The following TDRD10 variants were observed in gnomAD, a reference collection of about 807,000 sequenced individuals.
TDRD10 encodes the protein tudor domain-containing protein 10.
A neutral mutation model predicts 48.0 loss-of-function variants in TDRD10; 40 were observed. That is an observed-to-expected ratio of 0.83 (90% confidence interval 0.65 to 1.09). The LOEUF (loss-of-function observed/expected upper bound fraction) is 1.09, where lower values mean the gene tolerates loss of function less well. TDRD10 is among the 50% of genes least tolerant of loss of function. The pLI, the probability that TDRD10 is intolerant of heterozygous loss-of-function variation, is 0.00. For missense variants in TDRD10, 378 were observed against 434.7 expected (o/e 0.87, Z 1.16); for synonymous variants, 162 against 170.4 (o/e 0.95, Z 0.38).
chr1:154,520,849 C>T (rs1694019875), intron 5 of TDRD10, among the ~76,000 whole-genome samples: 1 of 152,174 alleles, frequency 6.6e-6, no homozygotes, highest in Non-Finnish European at 1.5e-5. Context: ...GCAATCCTCC[C>T]ACCTCAGCCT....
intron 4 of TDRD10, chr1:154,509,841 T>TTG: frequency 1.0e-6 from 1 of 985,422 alleles, no homozygotes; most frequent in Non-Finnish European, 1.2e-6. Context: ...AGAGGAGCCC[T>TTG]ACATGTGGTT....
chr1:154,515,376 C>A (rs1207001005), intron 4 of TDRD10, among the ~76,000 whole-genome samples: 2 of 152,200 alleles, frequency 1.3e-5, no homozygotes, highest in Non-Finnish European at 2.9e-5. Context: ...AAGTGGCAAG[C>A]AGGTCTTGGC....
chr1:154,536,585 G>A (rs147830103), intron 6 of TDRD10, among the ~76,000 whole-genome samples: 2,665 of 152,316 alleles, frequency 0.017, 34 homozygotes, highest in Middle Eastern at 0.027. Context: ...TAAGTGTACA[G>A]CTTGACGAAT....
intron 6 of TDRD10, among the ~76,000 whole-genome samples, chr1:154,538,354 G>A (rs1245357042): frequency 6.7e-6 from 1 of 148,850 alleles, no homozygotes; most frequent in Non-Finnish European, 1.5e-5. Flanking sequence ...TTCGAGATCA[G>A]CCTGACAACC....
At chr1:154,531,631 G>A (rs1197156853) in intron 6 of TDRD10, among the ~76,000 whole-genome samples, 1 of 152,222 alleles carries the variant, frequency 6.6e-6, no homozygotes. Flanking sequence ...AAGGCAGTGT[G>A]GACCCGAAGA....
intron 4 of TDRD10, among the ~76,000 whole-genome samples, chr1:154,508,934 T>C (rs1273931063): frequency 1.3e-5 from 2 of 152,136 alleles, no homozygotes; most frequent in Non-Finnish European, 2.9e-5. Context: ...GCAATCGTAT[T>C]TTTGACCCCA....
intron 6 of TDRD10, chr1:154,541,804 C>T (rs1041523442): frequency 1.2e-5 from 6 of 514,552 alleles, no homozygotes; most frequent in Non-Finnish European, 6.9e-6. Context: ...CAGCCCTGCT[C>T]CCTGCCTTCC....
At chr1:154,525,069 G>GTCAGGGTGAATGTGGTGC (rs1553197018) in intron 6 of TDRD10, among the ~76,000 whole-genome samples, 1 of 152,214 alleles carries the variant, frequency 6.6e-6, no homozygotes, top group African/African-American at 2.4e-5. Context: ...CAGGCAGAAG[G>GTCAGGGTGAATGTGGTGC]TCAGGGTGAA....
At chr1:154,523,180 A>G (rs565992066) in intron 6 of TDRD10, among the ~76,000 whole-genome samples, 161 of 152,308 alleles carry the variant, frequency 1.1e-3, no homozygotes, top group Non-Finnish European at 1.8e-3. Flanking sequence ...TGCTGGGATT[A>G]CAGGCATGAG....
At chr1:154,519,900 C>A (rs150849688) in intron 4 of TDRD10, among the ~76,000 whole-genome samples, 1 of 152,164 alleles carries the variant, frequency 6.6e-6, no homozygotes, top group East Asian at 1.9e-4. Flanking sequence ...ACCATATCCC[C>A]GGGCAGAGGC....
chr1:154,536,604 G>C (rs562143506), intron 6 of TDRD10, among the ~76,000 whole-genome samples: 46 of 152,320 alleles, frequency 3.0e-4, no homozygotes, highest in Non-Finnish European at 5.3e-4. Flanking sequence ...ATTTTGACCA[G>C]TGCGTGCAGC....
rs1311092391 is a variant in TDRD10, at chr1:154,544,422, G to A, written c.702G>A (p.Glu234=). 2.5e-6 allele frequency: 4 copies of A among 1,606,476 alleles called. No homozygotes were observed. The African/African-American group carries it at 5.3e-5, about 21-fold the overall frequency. ...TGTTTAGCACCCTGGCTCAGGCGGA[G>A]GAGCAGCAGCCCTACCTGGAGGGCT... is the stretch of plus-strand genomic sequence containing the variant. ...QALFSTLAQA[E]EQQPYLEGST... The change falls in exon 10 of 13, where the codon GAG becomes GAA. Residue 234 remains glutamate (E), a synonymous_variant. Transcript: ENST00000368482.
chr1:154,540,125 T>G (rs1695140946), intron 6 of TDRD10, among the ~76,000 whole-genome samples: 1 of 152,186 alleles, frequency 6.6e-6, no homozygotes, highest in African/African-American at 2.4e-5. Context: ...TGTCATGTGA[T>G]CTACTTTTTG....
intron 4 of TDRD10, among the ~76,000 whole-genome samples, chr1:154,515,690 G>A (rs527713262): frequency 3.3e-5 from 5 of 152,058 alleles, no homozygotes; most frequent in African/African-American, 9.6e-5. Flanking sequence ...TTCCACCATC[G>A]AACTCACCAC....
Position 154,540,904 on chromosome 1 carries a change from G to C in TDRD10, c.370-1120G>C, listed in dbSNP as rs544720980. On this transcript the variant is annotated intron_variant, in intron 6 of 12. Coordinates refer to ENST00000368482, the MANE Select transcript of TDRD10 (RefSeq NM_182499.4). The stretch of plus-strand genomic sequence containing the variant: ...CCAAGAGATGCGTTTCTGCAAAGAG[G>C]GAGCAGAGGGAATACTGCAGGTGGA... Among the ~76,000 whole-genome samples, 21 of 152,320 alleles carry C rather than the reference G, an allele frequency of 1.4e-4. 1 individual carries two copies. The South Asian group carries it at 4.1e-3, about 30-fold the overall frequency.
chr1:154,519,917 G>A (rs974831639), intron 4 of TDRD10, among the ~76,000 whole-genome samples: 1 of 152,210 alleles, frequency 6.6e-6, no homozygotes, highest in Non-Finnish European at 1.5e-5. Flanking sequence ...AGGCCAGGCA[G>A]GGTTGAGAAG....
chr1:154,543,646 A>C (rs6672087), intron 8 of TDRD10, among the ~76,000 whole-genome samples: 28,877 of 151,986 alleles, frequency 0.19, 2,982 homozygotes, highest in South Asian at 0.23. Context: ...GGAGGCCCCA[A>C]ATCTACCCAT....
At chr1:154,547,501 T>C (rs756085652) in intron 12 of TDRD10, 22 bp downstream of exon 12, 3 of 1,614,108 alleles carry the variant, frequency 1.9e-6, no homozygotes, top group Non-Finnish European at 1.7e-6. Flanking sequence ...TGCATCTAAC[T>C]TGGCTGTTGT....
chr1:154,507,713 T>G (rs975017651), intron 3 of TDRD10, among the ~76,000 whole-genome samples: 2 of 152,188 alleles, frequency 1.3e-5, no homozygotes, highest in African/African-American at 4.8e-5. Context: ...GTACAGCCTT[T>G]CATTATTTCA....
Sources: allele counts gnomAD v4.1 joint callset (sites outside exome capture counted in the v4.1 genomes callset), GRCh38; gene constraint gnomAD v4.1.1; transcripts MANE v1.5; gene names NCBI Gene and HGNC (gene_info 2026-07-23, HGNC 2026-07-21).